The following NTPCR variants were observed in gnomAD, a reference collection of about 807,000 sequenced individuals.
The protein encoded by NTPCR is nucleoside-triphosphatase, cancer-related, also known as cancer-related nucleoside-triphosphatase.
A neutral mutation model predicts 19.5 loss-of-function variants in NTPCR; 15 were observed. That is an observed-to-expected ratio of 0.77 (90% CI 0.51 to 1.18). The LOEUF (loss-of-function observed/expected upper bound fraction) is 1.18. Ranked by LOEUF, NTPCR falls within the 50% of genes most tolerant of loss-of-function variation. The pLI is 0.00. For synonymous variants in NTPCR, 90 were observed against 95.8 expected, an observed-to-expected ratio of 0.94 and a Z score of 0.36; for missense variants, 206 against 240.4, an observed-to-expected ratio of 0.86 and a Z score of 0.95.
chr1:232,978,398 C>G lies in NTPCR; in HGVS notation c.*167C>G, dbSNP rs1408352788. 1.7e-6 allele frequency: 1 copy of G among 589,330 alleles called. No homozygotes were observed. Among genetic ancestry groups the G allele is most frequent in the Non-Finnish European group, 3.0e-6 (1 of 331,724 alleles). 36.5% of individuals were successfully genotyped at this position (589,330 alleles called of 1,614,324 possible). ...TAAAATGTTTAAAAGATCAAATTAG[C>G]CTTAATGCTGGATTGTCTGTACAAG... On this transcript the variant is annotated 3_prime_UTR_variant, in exon 5 of 5. Coordinates refer to ENST00000366628, the MANE Select transcript of NTPCR (RefSeq NM_032324.3).
intron 3 of NTPCR, chr1:232,966,899 C>G (rs1668833638): frequency 1.3e-5 from 2 of 152,402 alleles, no homozygotes; most frequent in Non-Finnish European, 2.9e-5. Flanking sequence ...GGAAAGGGTG[C>G]TCCCCAGTTG....
chr1:232,961,446 T>A (rs1290270685), intron 3 of NTPCR, among the ~76,000 whole-genome samples: 2 of 152,242 alleles, frequency 1.3e-5, no homozygotes, highest in African/African-American at 4.8e-5. Context: ...TTTGTTTTGA[T>A]TTGCATTTTT....
chr1:232,976,721 A>G lies in NTPCR; in HGVS notation c.505-1442A>G, dbSNP rs1669134757. 5 of 749,814 alleles carry G rather than the reference A, an allele frequency of 6.7e-6. No individual in the cohort carries two copies. The East Asian group carries it at 1.5e-4, about 23-fold the overall frequency. 46.4% of individuals were successfully genotyped at this position (749,814 alleles called of 1,614,324 possible). On this transcript the variant is annotated intron_variant, in intron 4 of 4. Coordinates refer to ENST00000366628, the MANE Select transcript of NTPCR (RefSeq NM_032324.3). ...CAGGATTGACGCAGCCAGGACCGGT[A>G]GAAATGGGATCACGGGACTGACGCA...
At chr1:232,977,989 G>T (rs1390045429) in intron 4 of NTPCR, among the ~76,000 whole-genome samples, 174 bp from the exon 5 acceptor site, 1 of 152,202 alleles carries the variant, frequency 6.6e-6, no homozygotes, top group Non-Finnish European at 1.5e-5. Context: ...CTGGGACTCG[G>T]TGATTCCTGT....
rs192036746 is a variant in NTPCR at position 232,956,336 on chromosome 1, T to G, written c.198-11T>G. 3 of 1,603,842 alleles carry G rather than the reference T, an allele frequency of 1.9e-6. No individual in the cohort carries two copies. The East Asian group carries it at 6.7e-5, about 36-fold the overall frequency. On this transcript the variant is annotated splice_polypyrimidine_tract_variant and intron_variant, in intron 2 of 4. Coordinates refer to ENST00000366628, the MANE Select transcript of NTPCR (RefSeq NM_032324.3). ...GTTTTTCAACAAAGAACATAATGTC[T>G]TTTCCTTCAGGTTAGAGCCTCCACC...
At position 232,958,766 on chromosome 1, in the gene NTPCR, AAT is replaced by A. The variant is rs1668585962; in HGVS notation, c.294+2324_294+2325del. 2.6e-5 allele frequency among the ~76,000 whole-genome samples: 4 copies of A among 152,138 alleles called. 1 individual carries two copies. Among genetic ancestry groups the A allele is most frequent in the African/African-American group, 9.7e-5 (4 of 41,426 alleles). On this transcript the variant is annotated intron_variant, in intron 3 of 4. Transcript: ENST00000366628. ...CGTCACATACATTCCTCTCTACTTA[AAT>A]GTTCAAAAGTCAAGTGAAATACTTC...
rs1461505008 is a variant in NTPCR, at chr1:232,978,795, A to G, written c.*564A>G. ...ATATAAAAATAAATCTGATGGTTAC[A>G]GACAGGAGGCATTGTGTGGGAGGAA... On this transcript the variant is annotated 3_prime_UTR_variant, in exon 5 of 5. Coordinates refer to ENST00000366628, the MANE Select transcript of NTPCR (RefSeq NM_032324.3). 6.6e-6 allele frequency: 1 copy of G among 152,350 alleles called. No individual in the cohort carries two copies. The highest frequency in any genetic ancestry group is 2.4e-5 in the African/African-American group (1 of 41,472). 9.4% of individuals were successfully genotyped at this position (152,350 alleles called of 1,614,324 possible). A position where few individuals can be genotyped will look rare whatever the true frequency, so the allele number is the denominator to read the frequency against.
At chr1:232,959,828 G>A (rs1668618203) in intron 3 of NTPCR, among the ~76,000 whole-genome samples, 1 of 152,124 alleles carries the variant, frequency 6.6e-6, no homozygotes, top group Admixed American at 6.6e-5. Context: ...ATGTGTGTGT[G>A]TGTGTTTTAA....
At chr1:232,961,737 G>A (rs1295305059) in intron 3 of NTPCR, among the ~76,000 whole-genome samples, 2 of 151,830 alleles carry the variant, frequency 1.3e-5, no homozygotes, top group Non-Finnish European at 2.9e-5. Context: ...AAACATTTAT[G>A]TTTTCAATTC....
intron 4 of NTPCR, 21 bp downstream of exon 4, chr1:232,970,139 A>G (rs1310298220): frequency 3.2e-6 from 5 of 1,580,552 alleles, no homozygotes; most frequent in East Asian, 2.2e-5. Context: ...CCAGTCCTCC[A>G]TAATCAGTGG....
Position 232,955,575 on chromosome 1 carries a change from T to G in NTPCR, c.53T>G (p.Leu18Trp). 1 of 1,595,924 alleles carries G rather than the reference T, an allele frequency of 6.3e-7. No individual in the cohort carries two copies. The highest frequency in any genetic ancestry group is 1.8e-5 in the Admixed American group (1 of 56,526). ...ATTTTAGGAGTTGGAAAAACAACAT[T>G]GATCCATAAAGCCAGTGAGGTTTTA... ...TGPPGVGKTT[L>W]IHKASEVLKS... The change falls in exon 2 of 5, where the codon TTG becomes TGG. Residue 18 changes from leucine (L) to tryptophan (W), a missense_variant. By Grantham distance (61) the Leu-to-Trp change is moderately conservative. Transcript: ENST00000366628.
At chr1:232,956,575 C>T in intron 3 of NTPCR, 132 bp downstream of exon 3, 1 of 649,764 alleles carries the variant, frequency 1.5e-6, no homozygotes, top group Non-Finnish European at 2.8e-6. Flanking sequence ...AAGATTGAGT[C>T]TTAATAAGGA....
At position 232,959,856 on chromosome 1, in the gene NTPCR, A is replaced by C. The variant is rs137951597; in HGVS notation, c.294+3413A>C. On this transcript the variant is annotated intron_variant, in intron 3 of 4. Coordinates refer to ENST00000366628, the MANE Select transcript of NTPCR (RefSeq NM_032324.3). Reference sequence around the variant, plus strand: ...TGTTTTAATACTACAAAAAAATAAGAAAAAAGTACTTCTCTAATTAGGCCA... The same window carrying C: ...TGTTTTAATACTACAAAAAAATAAGCAAAAAGTACTTCTCTAATTAGGCCA... Among the ~76,000 whole-genome samples the C allele has an allele frequency of 1.4e-3, 216 of 152,174 alleles. 1 individual carries two copies. The highest frequency in any genetic ancestry group is 5.0e-3 in the African/African-American group (209 of 41,526).
At chr1:232,957,344 C>T (rs1010941971) in intron 3 of NTPCR, among the ~76,000 whole-genome samples, 3 of 151,986 alleles carry the variant, frequency 2.0e-5, no homozygotes, top group African/African-American at 4.8e-5. Context: ...TGGTGAGAAG[C>T]TTTTAAATTA....
intron 3 of NTPCR, among the ~76,000 whole-genome samples, chr1:232,958,594 T>C: frequency 6.6e-6 from 1 of 152,224 alleles, no homozygotes; most frequent in Non-Finnish European, 1.5e-5. Context: ...CTCCTTTTCT[T>C]CCTACGCTGT....
At chr1:232,969,865 T>C in intron 3 of NTPCR, 44 bp from the exon 4 acceptor site, 1 of 1,531,596 alleles carries the variant, frequency 6.5e-7, no homozygotes, top group Non-Finnish European at 9.0e-7. Context: ...GCCCTTTGAT[T>C]AATGTGACTC....
At position 232,982,598 on chromosome 1, in the gene NTPCR, C is replaced by G. The variant is rs953994421; in HGVS notation, c.*4367C>G. ...CAGAGAAACGGGATGGAGGAGCACC[C>G]AGGGTGCTCTTGCTCTCTTGCCTGC... On this transcript the variant is annotated 3_prime_UTR_variant, in exon 5 of 5. Coordinates refer to ENST00000366628, the MANE Select transcript of NTPCR (RefSeq NM_032324.3). 2.0e-5 allele frequency: 3 copies of G among 152,262 alleles called. No homozygotes were observed. The highest frequency in any genetic ancestry group is 4.4e-5 in the Non-Finnish European group (3 of 68,058). The allele number at this position is 152,262 out of a possible 1,614,324, so 9.4% of individuals were successfully genotyped here.
chr1:232,955,473 A>T, intron 1 of NTPCR, 84 bp from the exon 2 acceptor site: 1 of 1,138,126 alleles, frequency 8.8e-7, no homozygotes, highest in South Asian at 1.8e-5. Context: ...GCTGCCTCAG[A>T]GTCCACAAGT....
At chr1:232,976,903 C>T (rs1190746941) in intron 4 of NTPCR, 1 of 174,906 alleles carries the variant, frequency 5.7e-6, no homozygotes, top group Non-Finnish European at 1.2e-5. Flanking sequence ...TTGCCAGGGC[C>T]TGGCTTGCCC....
Sources: allele counts gnomAD v4.1 joint callset (sites outside exome capture counted in the v4.1 genomes callset), GRCh38; gene constraint gnomAD v4.1.1; transcripts MANE v1.5; gene names NCBI Gene and HGNC (gene_info 2026-07-23, HGNC 2026-07-21).